The following MARCHF11 variants were observed in gnomAD, a reference collection of about 807,000 sequenced individuals.
MARCHF11 encodes E3 ubiquitin-protein ligase MARCHF11.
In MARCHF11, 29 loss-of-function variants were observed where a neutral mutation model predicts 37.3. The ratio of observed to expected loss-of-function variants is 0.78; its 90% CI spans 0.58 to 1.06. The LOEUF is 1.06. Ranked by LOEUF, MARCHF11 falls within the 50% of genes least tolerant of loss-of-function variation. The pLI, the probability that MARCHF11 is intolerant of heterozygous loss-of-function variation, is 0.00. For missense variants in MARCHF11, 482 were observed against 533.4 expected (o/e 0.90, Z 0.95); for synonymous variants, 233 against 228.0 (o/e 1.02, Z -0.20).
chr5:16,087,722 G>GA (rs976143919), intron 3 of MARCHF11, among the ~76,000 whole-genome samples: 11 of 150,400 alleles, frequency 7.3e-5, no homozygotes, highest in South Asian at 4.2e-4. Context: ...TTAATAGCAA[G>GA]AAAAAAAAAC....
At chr5:16,148,087 C>T (rs565993763) in intron 2 of MARCHF11, among the ~76,000 whole-genome samples, 9 of 152,090 alleles carry the variant, frequency 5.9e-5, no homozygotes, top group African/African-American at 1.7e-4. Context: ...TTATATTATG[C>T]ACTTTGGGAA....
chr5:16,175,005 G>A (rs1738332556), intron 2 of MARCHF11, among the ~76,000 whole-genome samples: 1 of 152,162 alleles, frequency 6.6e-6, no homozygotes, highest in South Asian at 2.1e-4. Flanking sequence ...CATGGTCTTG[G>A]AACCCAGCTA....
chr5:16,177,859 C>A lies in MARCHF11; in HGVS notation c.560G>T (p.Arg187Leu). 6.2e-7 allele frequency: 1 copy of A among 1,610,508 alleles called. No homozygotes were observed. The highest frequency in any genetic ancestry group is 8.5e-7 in the Non-Finnish European group (1 of 1,178,476). ...TGTATACCGAACTGACCCATCACAT[C>A]GGCAGGGGTTCAACAACTCACCCTA... ...AEQGELLNPC[R>L]CDGSVRYTHQ... Residue 187 changes from arginine (R) to leucine (L), a missense_variant, in exon 2 of 4, where the codon CGA becomes CTA. Arg to Leu is a moderately radical substitution (Grantham distance 102). Coordinates refer to ENST00000332432, the MANE Select transcript of MARCHF11 (RefSeq NM_001102562.3).
At chr5:16,150,604 C>T (rs778192559) in intron 2 of MARCHF11, among the ~76,000 whole-genome samples, 8 of 137,136 alleles carry the variant, frequency 5.8e-5, no homozygotes, top group Non-Finnish European at 1.2e-4. Flanking sequence ...GGTTTTTATC[C>T]GGTATTAGTT....
intron 2 of MARCHF11, among the ~76,000 whole-genome samples, chr5:16,174,502 C>G (rs1738323113): frequency 6.6e-6 from 1 of 152,218 alleles, no homozygotes; most frequent in Non-Finnish European, 1.5e-5. Flanking sequence ...ACAAGTGAAA[C>G]TAAGGTGTTA....
intron 2 of MARCHF11, among the ~76,000 whole-genome samples, chr5:16,105,370 C>T (rs1376245775): frequency 1.3e-5 from 2 of 152,182 alleles, no homozygotes; most frequent in African/African-American, 4.8e-5. Flanking sequence ...ACATAACAAA[C>T]AAACAAATGC....
At chr5:16,151,330 T>C (rs1265579943) in intron 2 of MARCHF11, among the ~76,000 whole-genome samples, 1 of 151,958 alleles carries the variant, frequency 6.6e-6, no homozygotes, top group Non-Finnish European at 1.5e-5. Context: ...CTAAAATCAA[T>C]ATCCTCATGC....
chr5:16,149,119 C>A (rs992312381), intron 2 of MARCHF11, among the ~76,000 whole-genome samples: 5 of 152,092 alleles, frequency 3.3e-5, no homozygotes, highest in Admixed American at 1.3e-4. Context: ...TTAAAAATCA[C>A]TGCTAAATCC....
rs1371097674 is a variant in MARCHF11, at chr5:16,161,179, T to TC, written c.693+16546dup. On this transcript the variant is annotated intron_variant, in intron 2 of 3. Coordinates refer to ENST00000332432, the MANE Select transcript of MARCHF11 (RefSeq NM_001102562.3). ...TGGGTGTATCTCCTAATGCTATCCCTCCCCCCTCCCCCCACCCCAGAAAGG... is the reference window on the plus strand; with the variant it reads ...TGGGTGTATCTCCTAATGCTATCCCTCCCCCCCTCCCCCCACCCCAGAAAGG... 1.3e-4 allele frequency among the ~76,000 whole-genome samples: 12 copies of TC among 95,450 alleles called. No individual in the cohort carries two copies. In the Admixed American group the frequency reaches 1.6e-3, roughly 13 times the overall value. 62.6% of individuals were successfully genotyped at this position (95,450 alleles called of 152,430 possible). A position where few individuals can be genotyped will look rare whatever the true frequency, so the allele number is the denominator to read the frequency against.
chr5:16,148,311 T>G (rs1179769839), intron 2 of MARCHF11, among the ~76,000 whole-genome samples: 3 of 152,104 alleles, frequency 2.0e-5, no homozygotes, highest in African/African-American at 7.2e-5. Context: ...ACGGAACATA[T>G]TTCATAATCC....
intron 3 of MARCHF11, among the ~76,000 whole-genome samples, chr5:16,079,481 T>C (rs769023396): frequency 6.6e-6 from 1 of 152,142 alleles, no homozygotes; most frequent in Non-Finnish European, 1.5e-5. Flanking sequence ...TTCCAGAAAC[T>C]CTGGAGAACA....
In MARCHF11 at chr5:16,092,955, C is replaced by G. The variant is rs143654557; in HGVS notation, c.694-1874G>C. Among the ~76,000 whole-genome samples, 736 of 152,266 alleles carry G rather than the reference C, an allele frequency of 4.8e-3. 7 individuals carry two copies. Among genetic ancestry groups the G allele is most frequent in the African/African-American group, 0.013 (540 of 41,554 alleles). On this transcript the variant is annotated intron_variant, in intron 2 of 3. Transcript: ENST00000332432. Reference sequence around the variant, plus strand: ...AGATATGAAGTGTCAGTATCTCTTGCTCTTGTTCAGTTTTGATACTCACTA... The same window carrying G: ...AGATATGAAGTGTCAGTATCTCTTGGTCTTGTTCAGTTTTGATACTCACTA...
At chr5:16,138,557 C>T (rs556026163) in intron 2 of MARCHF11, among the ~76,000 whole-genome samples, 1 of 152,192 alleles carries the variant, frequency 6.6e-6, no homozygotes, top group Non-Finnish European at 1.5e-5. Context: ...CACTGTGGCA[C>T]CACCTGGTGG....
At chr5:16,110,086 G>T (rs1195179961) in intron 2 of MARCHF11, among the ~76,000 whole-genome samples, 1 of 152,158 alleles carries the variant, frequency 6.6e-6, no homozygotes, top group Non-Finnish European at 1.5e-5. Context: ...GTTTTATCAA[G>T]TGGGCAACTA....
intron 2 of MARCHF11, among the ~76,000 whole-genome samples, chr5:16,107,333 GT>G (rs112606913): frequency 9.6e-5 from 14 of 145,516 alleles, no homozygotes; most frequent in African/African-American, 1.7e-4. Flanking sequence ...AAGCACTATT[GT>G]TTTTTTTTTT....
At chr5:16,128,255 A>C (rs914749647) in intron 2 of MARCHF11, among the ~76,000 whole-genome samples, 2 of 152,172 alleles carry the variant, frequency 1.3e-5, no homozygotes, top group African/African-American at 4.8e-5. Context: ...ACTCTGACTC[A>C]AGGCTCAGTG....
rs777340256 is a variant in MARCHF11 at position 16,107,320 on chromosome 5, T to C, written c.694-16239A>G. Among the ~76,000 whole-genome samples, 7 of 147,918 alleles carry C rather than the reference T, an allele frequency of 4.7e-5. No individual in the cohort carries two copies. The East Asian group carries it at 1.0e-3, about 21-fold the overall frequency. On this transcript the variant is annotated intron_variant, in intron 2 of 3. Coordinates refer to ENST00000332432, the MANE Select transcript of MARCHF11 (RefSeq NM_001102562.3). ...GTTTGGAAAAGAGAGGAGGGCTTGA[T>C]GGAAGCACTATTGTTTTTTTTTTTG...
At chr5:16,160,228 T>A (rs1219079531) in intron 2 of MARCHF11, among the ~76,000 whole-genome samples, 2 of 147,380 alleles carry the variant, frequency 1.4e-5, no homozygotes, top group African/African-American at 4.9e-5. Flanking sequence ...TATAATTATC[T>A]TTTATATTTT....
chr5:16,098,538 C>T (rs1365724415), intron 2 of MARCHF11, among the ~76,000 whole-genome samples: 4 of 151,992 alleles, frequency 2.6e-5, no homozygotes, highest in Admixed American at 6.6e-5. Flanking sequence ...GAGGCAGAGG[C>T]AGGTGGATCA....
Sources: allele counts gnomAD v4.1 joint callset (sites outside exome capture counted in the v4.1 genomes callset), GRCh38; gene constraint gnomAD v4.1.1; transcripts MANE v1.5; gene names NCBI Gene and HGNC (gene_info 2026-07-23, HGNC 2026-07-21).